Variants in ZNF541 observed in about 807,000 individuals in gnomAD.
ZNF541 encodes zinc finger protein 541.
Under a neutral mutation model 123.5 loss-of-function variants are expected in ZNF541, and 23 were observed. The ratio of observed to expected loss-of-function variants is 0.19; its 90% CI spans 0.13 to 0.26. ZNF541 has a LOEUF of 0.26. ZNF541 is among the 10% of genes least tolerant of loss of function. The pLI is 1.00. For synonymous variants in ZNF541, 751 were observed against 754.5 expected (o/e 1.00, Z 0.08); for missense variants, 1,612 against 1,789.9 (o/e 0.90, Z 1.79).
At chr19:47,541,614 T>G (rs749356635) in intron 5 of ZNF541, among the ~76,000 whole-genome samples, 3 of 152,214 alleles carry the variant, frequency 2.0e-5, no homozygotes, top group Non-Finnish European at 2.9e-5. Flanking sequence ...CAGACATTTC[T>G]TCTAGAAAGA....
chr19:47,544,162 G>A lies in ZNF541; in HGVS notation c.2367C>T (p.Pro789=), dbSNP rs1970200917. 6.4e-7 allele frequency: 1 copy of A among 1,551,596 alleles called. No homozygotes were observed. The highest frequency in any genetic ancestry group is 8.7e-7 in the Non-Finnish European group (1 of 1,146,912). ...TGAATATTGTCAGCTTGGACTTGGA[G>A]GGATCTGCCGGGGGCCCGGCCGATG... ...SFSSAGPPAD[P]SKSKLTIFSR... is the part of the protein sequence containing the mutation. The change falls in exon 5 of 17, where the codon CCC becomes CCT. Residue 789 remains proline, a synonymous_variant. Transcript: ENST00000391901.
At chr19:47,539,078 C>A (rs1047492815) in intron 8 of ZNF541, among the ~76,000 whole-genome samples, 1 of 152,140 alleles carries the variant, frequency 6.6e-6, no homozygotes, top group Non-Finnish European at 1.5e-5. Flanking sequence ...ACTCTCTGGG[C>A]TCCCTCTGCT....
chr19:47,523,042 G>A (rs1295022234), intron 14 of ZNF541, among the ~76,000 whole-genome samples: 2 of 150,450 alleles, frequency 1.3e-5, no homozygotes, highest in Non-Finnish European at 3.0e-5. Flanking sequence ...CACCGCACCC[G>A]GCCAGCAGTG....
rs186287369 is a variant in ZNF541, at chr19:47,522,686, C to T, written c.3571-692G>A. Among the ~76,000 whole-genome samples, 169 of 150,014 alleles carry T rather than the reference C, an allele frequency of 1.1e-3. 3 individuals carry two copies. Among genetic ancestry groups the T allele is most frequent in the Admixed American group, 9.1e-3 (138 of 15,092 alleles). On this transcript the variant is annotated intron_variant, in intron 14 of 16. Coordinates refer to ENST00000391901, the MANE Select transcript of ZNF541 (RefSeq NM_001277075.3). Reference sequence around the variant, plus strand: ...TGGTGCATGCCTGTGGTCCCAGCTACTTAAGATGCTGAGGCGAGATGATCG... The same window carrying T: ...TGGTGCATGCCTGTGGTCCCAGCTATTTAAGATGCTGAGGCGAGATGATCG...
At chr19:47,559,261 A>G (rs1350560849) in intron 2 of ZNF541, among the ~76,000 whole-genome samples, 6 of 151,756 alleles carry the variant, frequency 4.0e-5, no homozygotes, top group South Asian at 2.1e-4. Context: ...AATCTCAGCT[A>G]CTCAGGAGGC....
At chr19:47,566,623 G>A (rs1442961779) in intron 2 of ZNF541, among the ~76,000 whole-genome samples, 1 of 152,018 alleles carries the variant, frequency 6.6e-6, no homozygotes, top group African/African-American at 2.4e-5. Flanking sequence ...GCACTCACCT[G>A]TAGTACCAGC....
chr19:47,556,291 A>C (rs759204453), intron 2 of ZNF541, among the ~76,000 whole-genome samples: 1 of 152,192 alleles, frequency 6.6e-6, no homozygotes, highest in Admixed American at 6.5e-5. Flanking sequence ...GACAGGAAAA[A>C]TCCCAAGTGC....
rs1009937218 is a variant in ZNF541, at chr19:47,569,692, C to T, written c.-99+2204G>A. Among the ~76,000 whole-genome samples the T allele has an allele frequency of 9.9e-5, 15 of 151,714 alleles. No homozygotes were observed. In the East Asian group the frequency reaches 1.4e-3, roughly 14 times the overall value. On this transcript the variant is annotated intron_variant, in intron 2 of 16. Transcript: ENST00000391901. ...AGCCCGGGCAACAAAGTGAGATCCC[C>T]GCCGCCCCCCACCCATCTCTACAAA...
chr19:47,539,409 C>T (rs975478764), intron 8 of ZNF541, among the ~76,000 whole-genome samples: 5 of 150,564 alleles, frequency 3.3e-5, no homozygotes, highest in African/African-American at 9.8e-5. Context: ...AAGTGATTCT[C>T]GGGCCTCAGC....
At chr19:47,550,654 C>A (rs1430968759) in intron 3 of ZNF541, among the ~76,000 whole-genome samples, 1 of 152,098 alleles carries the variant, frequency 6.6e-6, no homozygotes, top group Non-Finnish European at 1.5e-5. Flanking sequence ...ATCTGAAGGG[C>A]CAGTGTATAC....
Position 47,545,852 on chromosome 19 carries a change from A to C in ZNF541, c.677T>G (p.Leu226Arg). 2 of 1,549,480 alleles carry C rather than the reference A, an allele frequency of 1.3e-6. No individual in the cohort carries two copies. The highest frequency in any genetic ancestry group is 1.7e-6 in the Non-Finnish European group (2 of 1,146,384). Residue 226 changes from leucine (L) to arginine (R), a missense_variant, in exon 5 of 17, where the codon CTG becomes CGG. Leu to Arg is a moderately radical substitution (Grantham distance 102, BLOSUM62 -2). Coordinates refer to ENST00000391901, the MANE Select transcript of ZNF541 (RefSeq NM_001277075.3). This position sits in a 1 kb window ranked among gnomAD's most constrained non-coding sequence, Gnocchi z 7.5. ...HYEVHHGLCI[L>R]KEAPPEEEAC... ...CTCTTCCTCCGGGGGGGCTTCCTTC[A>C]GGATGCACAGGCCGTGATGGACCTC...
intron 14 of ZNF541, among the ~76,000 whole-genome samples, chr19:47,523,261 C>G (rs978850828): frequency 4.7e-5 from 7 of 148,114 alleles, no homozygotes; most frequent in African/African-American, 1.8e-4. Context: ...AACTCCTGAC[C>G]TTGTGATCTA....
chr19:47,529,739 C>A (rs558310818), intron 12 of ZNF541, 87 bp from the exon 13 acceptor site: 13 of 1,301,330 alleles, frequency 1.0e-5, no homozygotes, highest in African/African-American at 5.8e-5. Flanking sequence ...AAAACACTTG[C>A]GGCTGTCCCT....
Position 47,521,717 on chromosome 19 carries a change from G to A in ZNF541, c.3712-63C>T. 1 of 1,532,594 alleles carries A rather than the reference G, an allele frequency of 6.5e-7. No homozygotes were observed. The highest frequency in any genetic ancestry group is 8.8e-7 in the Non-Finnish European group (1 of 1,134,846). The allele number at this position is 1,532,594 out of a possible 1,614,324, so 94.9% of individuals were successfully genotyped here. On this transcript the variant is annotated intron_variant, in intron 15 of 16. Transcript: ENST00000391901. The surrounding 1 kb of genome is among the most constrained non-coding windows in gnomAD (Gnocchi z 4.2). ...TGTCCTGCTGTAAGAGAGACACAGA[G>A]CTGGGGGCATACGTGTCTCCTGCAG...
intron 4 of ZNF541, among the ~76,000 whole-genome samples, chr19:47,546,653 A>C (rs186712438): frequency 7.7e-4 from 117 of 152,332 alleles, no homozygotes; most frequent in Non-Finnish European, 1.2e-3. Context: ...TGGCACAGCT[A>C]ATAAATAAGT....
At chr19:47,562,173 C>T (rs932696946) in intron 2 of ZNF541, among the ~76,000 whole-genome samples, 4 of 152,084 alleles carry the variant, frequency 2.6e-5, no homozygotes, top group African/African-American at 7.2e-5. Flanking sequence ...CGCTTGAACT[C>T]GGGAGGTGGA....
chr19:47,567,856 A>G (rs1971327210), intron 2 of ZNF541, among the ~76,000 whole-genome samples: 1 of 152,102 alleles, frequency 6.6e-6, no homozygotes, highest in Non-Finnish European at 1.5e-5. Context: ...CTTAAATGTC[A>G]CCTCCACTAT....
At chr19:47,546,206 TAAA>T (rs113946046) in intron 4 of ZNF541, among the ~76,000 whole-genome samples, 1 of 125,732 alleles carries the variant, frequency 8.0e-6, no homozygotes, top group Non-Finnish European at 1.8e-5. Flanking sequence ...TACAGAAAAG[TAAA>T]AAAAAAAAAA....
At chr19:47,530,912 A>G (rs1478768268) in intron 12 of ZNF541, among the ~76,000 whole-genome samples, 1 of 152,038 alleles carries the variant, frequency 6.6e-6, no homozygotes, top group East Asian at 1.9e-4. Context: ...CGGCCTCCCA[A>G]AGTGCTGGGA....
Sources: gnomAD v4.1 joint callset for allele counts (sites outside exome capture counted in the v4.1 genomes callset) on GRCh38, gnomAD v4.1.1 for gene constraint, Gnocchi (gnomAD v3.1) non-coding constraint, MANE v1.5 for transcripts, NCBI Gene and HGNC (gene_info 2026-07-23, HGNC 2026-07-21) for gene names.